PRKG1: variants seen among roughly 807,000 people sequenced by gnomAD.
The protein encoded by PRKG1 is cGMP-dependent protein kinase 1.
Under a neutral mutation model 88.1 loss-of-function variants are expected in PRKG1, and 35 were observed. The observed-to-expected ratio is 0.40, with a 90% confidence interval of 0.30 to 0.53. The LOEUF is 0.53. Ranked by LOEUF, PRKG1 falls within the 20% of genes least tolerant of loss-of-function variation. The probability of loss-of-function intolerance (pLI) is 0.59; values close to 1 mark genes in which losing one functional copy is unlikely to be tolerated. For synonymous variants in PRKG1, 303 were observed against 292.5 expected, an observed-to-expected ratio of 1.04 and a Z score of -0.37; for missense variants, 540 against 839.8, an observed-to-expected ratio of 0.64 and a Z score of 4.41.
chr10:51,692,170 T>C (rs1387878609), intron 3 of PRKG1, among the ~76,000 whole-genome samples: 1 of 152,164 alleles, frequency 6.6e-6, no homozygotes, highest in Non-Finnish European at 1.5e-5. Flanking sequence ...AAGAGTGATA[T>C]TTCCGATATG....
chr10:51,669,725 C>A (rs1455865422), intron 3 of PRKG1, among the ~76,000 whole-genome samples: 2 of 152,082 alleles, frequency 1.3e-5, no homozygotes, highest in Non-Finnish European at 2.9e-5. Context: ...CTACTTAAGT[C>A]GTGGTCACAG....
intron 6 of PRKG1, among the ~76,000 whole-genome samples, chr10:52,059,929 A>G (rs1359108090): frequency 2.0e-5 from 3 of 151,962 alleles, no homozygotes; most frequent in Non-Finnish European, 4.4e-5. Flanking sequence ...TCTTTTAAGA[A>G]GAAAATTGTA....
rs558919789 is a variant in PRKG1 at position 51,281,868 on chromosome 10, T to G, written c.478+128538T>G. 2.0e-5 allele frequency among the ~76,000 whole-genome samples: 3 copies of G among 152,326 alleles called. No individual in the cohort carries two copies. In the South Asian group the frequency reaches 6.2e-4, roughly 32 times the overall value. On this transcript the variant is annotated intron_variant, in intron 2 of 17. Transcript: ENST00000373980. ...GGGGTAGCTTCAAAAGCAGTGATTC[T>G]CTGCTCATTAGAGTCACCTGTGAAA...
At chr10:51,727,668 A>G (rs1173371517) in intron 3 of PRKG1, among the ~76,000 whole-genome samples, 1 of 152,142 alleles carries the variant, frequency 6.6e-6, no homozygotes, top group Non-Finnish European at 1.5e-5. Flanking sequence ...ATCTTAACTC[A>G]TATCTCCGGA....
At chr10:51,985,649 T>C (rs1391822253) in intron 5 of PRKG1, among the ~76,000 whole-genome samples, 2 of 152,238 alleles carry the variant, frequency 1.3e-5, no homozygotes, top group African/African-American at 4.8e-5. Context: ...ATATTTTTTA[T>C]AGCCACTTGT....
intron 1 of PRKG1, among the ~76,000 whole-genome samples, chr10:51,127,247 A>T (rs1845451233): frequency 6.6e-6 from 1 of 152,022 alleles, no homozygotes; most frequent in South Asian, 2.1e-4. Flanking sequence ...ATCTACAAGG[A>T]ACTGTAATTT....
chr10:51,966,206 A>T (rs570930411), intron 5 of PRKG1, among the ~76,000 whole-genome samples: 1 of 152,310 alleles, frequency 6.6e-6, no homozygotes, highest in South Asian at 2.1e-4. Flanking sequence ...GCAAATACAT[A>T]TTCATGATTT....
At chr10:51,149,096 C>T (rs948098887) in intron 1 of PRKG1, among the ~76,000 whole-genome samples, 11 of 152,062 alleles carry the variant, frequency 7.2e-5, no homozygotes, top group Non-Finnish European at 1.2e-4. Context: ...AAACTCTACA[C>T]CTTTGTCCTT....
intron 3 of PRKG1, among the ~76,000 whole-genome samples, chr10:51,759,370 G>A (rs543832824): frequency 2.0e-5 from 3 of 151,960 alleles, no homozygotes; most frequent in Admixed American, 1.3e-4. Context: ...AGGTTCAAGC[G>A]ATTTTCCTGC....
intron 9 of PRKG1, among the ~76,000 whole-genome samples, chr10:52,196,530 C>A (rs560394406): frequency 6.6e-6 from 1 of 152,252 alleles, no homozygotes; most frequent in Middle Eastern, 3.4e-3. Flanking sequence ...CCAGCTTGCA[C>A]CGTAGTCGTC....
intron 16 of PRKG1, among the ~76,000 whole-genome samples, chr10:52,289,508 CTATT>C (rs539592389): frequency 1.1e-3 from 170 of 152,204 alleles, no homozygotes; most frequent in Admixed American, 2.4e-3. Flanking sequence ...TGGGTTTTCT[CTATT>C]TGTTTGTGTA....
intron 14 of PRKG1, among the ~76,000 whole-genome samples, chr10:52,288,082 T>C (rs1468790239): frequency 6.6e-6 from 1 of 152,110 alleles, no homozygotes; most frequent in African/African-American, 2.4e-5. Context: ...TGAAATTAGA[T>C]TGCTAGGTTA....
At chr10:51,909,832 A>G (rs182039471) in intron 5 of PRKG1, 1 of 152,382 alleles carries the variant, frequency 6.6e-6, no homozygotes, top group Non-Finnish European at 1.5e-5. Flanking sequence ...ATAAGGAGAG[A>G]AATGGGGTCA....
chr10:52,005,684 C>T (rs370994631), intron 5 of PRKG1, among the ~76,000 whole-genome samples: 1 of 152,242 alleles, frequency 6.6e-6, no homozygotes, highest in East Asian at 1.9e-4. Flanking sequence ...TCTACTTCTG[C>T]CTGAATTTGC....
intron 4 of PRKG1, among the ~76,000 whole-genome samples, chr10:51,849,878 T>A (rs1021656695): frequency 6.6e-6 from 1 of 151,880 alleles, no homozygotes; most frequent in Non-Finnish European, 1.5e-5. Flanking sequence ...GTAGTTTTTT[T>A]AAAAAAGATC....
At chr10:52,079,826 T>G (rs1276507875) in intron 7 of PRKG1, among the ~76,000 whole-genome samples, 2 of 152,176 alleles carry the variant, frequency 1.3e-5, no homozygotes, top group Admixed American at 6.5e-5. Flanking sequence ...TTGAGAAATA[T>G]TTTTCAAGGT....
chr10:51,692,229 C>CTT (rs60619180), intron 3 of PRKG1, among the ~76,000 whole-genome samples: 69 of 148,278 alleles, frequency 4.7e-4, no homozygotes, highest in African/African-American at 1.4e-3. Context: ...CTATATTGGC[C>CTT]TTTTTAAAAA....
At chr10:51,364,014 T>C (rs1842539977) in intron 2 of PRKG1, among the ~76,000 whole-genome samples, 1 of 151,978 alleles carries the variant, frequency 6.6e-6, no homozygotes, top group Admixed American at 6.6e-5. Context: ...ATTTGAATAA[T>C]GACAGAGAAA....
chr10:52,051,856 A>G (rs1845994793), intron 5 of PRKG1, among the ~76,000 whole-genome samples: 1 of 152,166 alleles, frequency 6.6e-6, no homozygotes, highest in Non-Finnish European at 1.5e-5. Flanking sequence ...AAGTTTATCA[A>G]TCAGATGAGT....
Sources: allele counts gnomAD v4.1 joint callset (sites outside exome capture counted in the v4.1 genomes callset), GRCh38; gene constraint gnomAD v4.1.1; transcripts MANE v1.5; gene names NCBI Gene and HGNC (gene_info 2026-07-23, HGNC 2026-07-21).